HMGB1: variants seen among roughly 807,000 people sequenced by gnomAD.
HMGB1 encodes high mobility group box 1.
For synonymous variants in HMGB1, 81 were observed against 84.0 expected (o/e 0.96, Z 0.19); for missense variants, 79 against 253.5 (o/e 0.31, Z 4.67).
At chr13:30,515,663 T>C (rs1888086659) in intron 1 of HMGB1, among the ~76,000 whole-genome samples, 1 of 150,872 alleles carries the variant, frequency 6.6e-6, no homozygotes, top group Non-Finnish European at 1.5e-5. Context: ...TCTGTCATGC[T>C]CATTTTATAT....
At chr13:30,512,233 CA>C (rs1888008784) in intron 1 of HMGB1, among the ~76,000 whole-genome samples, 1 of 151,950 alleles carries the variant, frequency 6.6e-6, no homozygotes, top group Admixed American at 6.6e-5. Flanking sequence ...CAAGGTAACC[CA>C]AAACTCCAAT....
intron 1 of HMGB1, among the ~76,000 whole-genome samples, chr13:30,588,295 G>C (rs1871237428): frequency 6.6e-6 from 1 of 152,134 alleles, no homozygotes; most frequent in African/African-American, 2.4e-5. Flanking sequence ...ATGAGGTACA[G>C]AATAGTTAGA....
intron 1 of HMGB1, among the ~76,000 whole-genome samples, chr13:30,564,199 G>A (rs75602473): frequency 0.052 from 7,819 of 151,088 alleles, 502 homozygotes; most frequent in African/African-American, 0.15. Context: ...CTGGGAGGCC[G>A]CGGTGAGCGG....
chr13:30,606,203 T>C (rs9579618), intron 1 of HMGB1, among the ~76,000 whole-genome samples: 4,526 of 152,292 alleles, frequency 0.03, 246 homozygotes, highest in African/African-American at 0.1. Flanking sequence ...GAAGGATAGT[T>C]TTTTAGGGTA....
chr13:30,599,375 G>A (rs1318583371), intron 1 of HMGB1, among the ~76,000 whole-genome samples: 2 of 152,182 alleles, frequency 1.3e-5, no homozygotes, highest in Non-Finnish European at 2.9e-5. Flanking sequence ...GACTGAGGCA[G>A]GAGAATCGCT....
intron 1 of HMGB1, among the ~76,000 whole-genome samples, chr13:30,521,898 G>A (rs1888246658): frequency 2.0e-5 from 3 of 152,238 alleles, no homozygotes; most frequent in Non-Finnish European, 4.4e-5. Flanking sequence ...CTGTTTTTGT[G>A]ATTAGAACCA....
intron 1 of HMGB1, among the ~76,000 whole-genome samples, chr13:30,478,855 T>TCTTTC (rs1325379375): frequency 2.0e-5 from 2 of 101,654 alleles, no homozygotes; most frequent in East Asian, 6.0e-4. Flanking sequence ...ATTTCTTTTT[T>TCTTTC]CTTTTCTTTT....
chr13:30,463,384 T>C, intron 2 of HMGB1, 32 bp from the exon 3 acceptor site: 2 of 1,573,408 alleles, frequency 1.3e-6, no homozygotes, highest in Non-Finnish European at 1.7e-6. Flanking sequence ...GTTTAAGTTG[T>C]AACATTTAAG....
At chr13:30,567,473 C>T (rs1013053569) in intron 1 of HMGB1, among the ~76,000 whole-genome samples, 3 of 151,940 alleles carry the variant, frequency 2.0e-5, no homozygotes, top group African/African-American at 7.3e-5. Flanking sequence ...CCTCAGTCTC[C>T]CGAGTAGCTG....
intron 1 of HMGB1, among the ~76,000 whole-genome samples, chr13:30,517,839 T>C (rs1408352401): frequency 6.6e-6 from 1 of 152,228 alleles, no homozygotes; most frequent in African/African-American, 2.4e-5. Context: ...AAACCCAGAA[T>C]GCTGGGACAA....
rs1886017498 is a variant in HMGB1 at position 30,456,964 on chromosome 13, A to C, written c.*4393T>G. 1 of 152,144 alleles carries C rather than the reference A, an allele frequency of 6.6e-6. No individual in the cohort carries two copies. The highest frequency in any genetic ancestry group is 1.5e-5 in the Non-Finnish European group (1 of 68,044). The allele number at this position is 152,144 out of a possible 1,614,324, so 9.4% of individuals were successfully genotyped here. On this transcript the variant is annotated 3_prime_UTR_variant, in exon 5 of 5. Coordinates refer to ENST00000341423, the MANE Select transcript of HMGB1 (RefSeq NM_002128.7). The stretch of plus-strand genomic sequence containing the variant: ...GTCCATCAGTAAGGGAATGATGAAA[A>C]ATATTATGGATCATATACAAGTGAG...
intron 4 of HMGB1, 26 bp from the exon 5 acceptor site, chr13:30,461,559 CAGT>C (rs1886336741): frequency 1.3e-6 from 2 of 1,573,438 alleles, no homozygotes; most frequent in Non-Finnish European, 1.7e-6. Flanking sequence ...GAGGATAAAA[CAGT>C]AGGGAAGAAA....
chr13:30,548,787 C>T (rs145828954), intron 1 of HMGB1, among the ~76,000 whole-genome samples: 6 of 152,262 alleles, frequency 3.9e-5, no homozygotes, highest in Admixed American at 3.3e-4. Flanking sequence ...CAGAGCTTTG[C>T]TGTGGGTTAT....
At chr13:30,586,380 GT>G in intron 1 of HMGB1, among the ~76,000 whole-genome samples, 1 of 149,438 alleles carries the variant, frequency 6.7e-6, no homozygotes, top group Middle Eastern at 3.5e-3. Flanking sequence ...ACTGAACCTA[GT>G]TTTTTTCTCC....
At chr13:30,509,979 C>G (rs756296065) in intron 1 of HMGB1, among the ~76,000 whole-genome samples, 1 of 152,206 alleles carries the variant, frequency 6.6e-6, no homozygotes, top group Non-Finnish European at 1.5e-5. Context: ...CCAGAGAAAG[C>G]TAACCTTTCT....
At chr13:30,585,071 C>A (rs1871082996) in intron 1 of HMGB1, among the ~76,000 whole-genome samples, 1 of 151,948 alleles carries the variant, frequency 6.6e-6, no homozygotes. Context: ...GACTGCTTGA[C>A]CCCAGGAGAT....
intron 1 of HMGB1, among the ~76,000 whole-genome samples, chr13:30,505,403 C>T (rs1213727361): frequency 6.6e-6 from 1 of 152,124 alleles, no homozygotes; most frequent in Non-Finnish European, 1.5e-5. Flanking sequence ...TGGTCTCCAT[C>T]TCCTGACCTC....
At chr13:30,483,337 G>A (rs1887279283) in intron 1 of HMGB1, among the ~76,000 whole-genome samples, 1 of 146,746 alleles carries the variant, frequency 6.8e-6, no homozygotes, top group Admixed American at 6.9e-5. Context: ...CCAGAAACCT[G>A]AGTATCATCA....
rs575588871 is a variant in HMGB1 at position 30,517,824 on chromosome 13, C to CA, written c.-14-54131dup. On this transcript the variant is annotated intron_variant, in intron 1 of 4. Coordinates refer to the HMGB1 transcript ENST00000405805. ...CATACAAAAACCAAAAATCAGAAAA[C>CA]AAAAAAACCCAGAATGCTGGGACAA... Among the ~76,000 whole-genome samples the CA allele has an allele frequency of 3.3e-3, 499 of 152,102 alleles. 1 individual carries two copies. Among genetic ancestry groups the CA allele is most frequent in the Non-Finnish European group, 3.7e-3 (254 of 67,966 alleles).
Sources: allele counts gnomAD v4.1 joint callset (sites outside exome capture counted in the v4.1 genomes callset), GRCh38; gene constraint gnomAD v4.1.1; transcripts MANE v1.5; gene names NCBI Gene and HGNC (gene_info 2026-07-23, HGNC 2026-07-21).